Variants in KYAT3 observed in about 807,000 individuals in gnomAD.
KYAT3 encodes kynurenine aminotransferase 3, also known as kynurenine--oxoglutarate transaminase 3.
In KYAT3, 50 loss-of-function variants were observed where a neutral mutation model predicts 59.0. The observed-to-expected ratio is 0.85, with a 90% confidence interval of 0.68 to 1.07. The LOEUF (loss-of-function observed/expected upper bound fraction) is 1.07, where lower values mean the gene tolerates loss of function less well. Among genes scored for constraint, KYAT3 ranks in the 50% least tolerant of loss-of-function variants. The pLI, the probability that KYAT3 is intolerant of heterozygous loss-of-function variation, is 0.00. For synonymous variants in KYAT3, 148 were observed against 177.0 expected (o/e 0.84, Z 1.30); for missense variants, 497 against 533.3 (o/e 0.93, Z 0.67).
downstream of KYAT3, among the ~76,000 whole-genome samples, chr1:88,933,584 A>G (rs1674955258): frequency 6.6e-6 from 1 of 152,154 alleles, no homozygotes; most frequent in Non-Finnish European, 1.5e-5. Context: ...AAGATGGGAG[A>G]GATTTGAACA....
intron 9 of KYAT3, 80 bp from the exon 10 acceptor site, chr1:88,953,232 A>G (rs576582851): frequency 4.5e-6 from 4 of 892,748 alleles, no homozygotes; most frequent in Non-Finnish European, 7.3e-6. Flanking sequence ...AACTTAGTGC[A>G]ATTGTTAAAT....
chr1:88,963,099 C>T (rs964690688), intron 5 of KYAT3, among the ~76,000 whole-genome samples: 9 of 150,042 alleles, frequency 6.0e-5, no homozygotes, highest in East Asian at 3.9e-4. Flanking sequence ...TTATAATGAA[C>T]GGAGAGACAA....
At chr1:88,954,833 C>T (rs909619658) in intron 9 of KYAT3, among the ~76,000 whole-genome samples, 4 of 152,216 alleles carry the variant, frequency 2.6e-5, no homozygotes, top group African/African-American at 9.6e-5. Flanking sequence ...TGGAGCGCAG[C>T]TCACAGCAGC....
chr1:88,924,750 T>C, the KYAT3 span, among the ~76,000 whole-genome samples: 5 of 152,322 alleles, frequency 3.3e-5, no homozygotes, highest in South Asian at 2.1e-4. Flanking sequence ...GAGGCACCCA[T>C]TGCTGCTCCC....
At position 88,949,093 on chromosome 1, in the gene KYAT3, A is replaced by T. The variant is rs144984854; in HGVS notation, c.1139T>A (p.Leu380Gln). ...AAATAATAAAAGCCTTTACAAACCT[A>T]GCAAAGACACATCAGCGATGATGAA... ...GYFIIADVSL[L>Q]DPDLSDMKNN... Residue 380 changes from leucine (L) to glutamine (Q), a missense_variant and splice_region_variant, in exon 11 of 14, where the codon CTA becomes CAA. Physicochemically the swap from Leu to Gln is moderately radical, Grantham distance 113. This residue lies in a region of KYAT3 where 469 missense variants were observed against 479.1 expected (regional missense o/e 0.98). Transcript: ENST00000260508. 2.5e-3 allele frequency: 3,974 copies of T among 1,572,910 alleles called. 10 individuals carry two copies. Among genetic ancestry groups the T allele is most frequent in the Non-Finnish European group, 3.1e-3 (3,621 of 1,165,834 alleles).
intron 5 of KYAT3, 74 bp from the exon 6 acceptor site, chr1:88,962,219 G>T: frequency 9.1e-7 from 1 of 1,100,066 alleles, no homozygotes; most frequent in Non-Finnish European, 1.4e-6. Context: ...ACCTACTATG[G>T]GCTAGGCACT....
the KYAT3 span, among the ~76,000 whole-genome samples, chr1:88,921,371 G>C: frequency 6.6e-6 from 1 of 152,286 alleles, no homozygotes; most frequent in South Asian, 2.1e-4. Flanking sequence ...GGAGAAATTA[G>C]GTACTTTGGT....
In KYAT3 at chr1:88,959,828, T is replaced by C. The variant is rs572572920; in HGVS notation, c.787+1339A>G. 2.6e-5 allele frequency among the ~76,000 whole-genome samples: 4 copies of C among 151,708 alleles called. No homozygotes were observed. The South Asian group carries it at 8.3e-4, about 32-fold the overall frequency. ...CCCATCTCTATAGCAACTTGTAATA[T>C]ACTATAGGAATAATTATGGCACATG... On this transcript the variant is annotated intron_variant, in intron 8 of 13. Coordinates refer to ENST00000260508, the MANE Select transcript of KYAT3 (RefSeq NM_001008661.3).
chr1:88,949,433 C>G (rs1204163330), intron 10 of KYAT3, among the ~76,000 whole-genome samples, 156 bp from the exon 11 acceptor site: 2 of 152,140 alleles, frequency 1.3e-5, no homozygotes, highest in African/African-American at 4.8e-5. Context: ...CTATATTAAA[C>G]TCTATAGGTT....
intron 10 of KYAT3, 37 bp from the exon 11 acceptor site, chr1:88,949,314 T>C (rs1381980759): frequency 1.4e-6 from 2 of 1,429,198 alleles, no homozygotes; most frequent in African/African-American, 1.5e-5. Flanking sequence ...AAAAGGCATA[T>C]GGCAATGTTA....
chr1:88,956,484 G>C (rs939373911), intron 8 of KYAT3, among the ~76,000 whole-genome samples: 5 of 152,156 alleles, frequency 3.3e-5, no homozygotes, highest in Admixed American at 1.3e-4. Context: ...CTAAGGTCTA[G>C]AGGAACCAAA....
intron 11 of KYAT3, among the ~76,000 whole-genome samples, chr1:88,946,619 G>A (rs1409035712): frequency 6.6e-6 from 1 of 152,144 alleles, no homozygotes; most frequent in Non-Finnish European, 1.5e-5. Flanking sequence ...AAATCTTGGG[G>A]ATTTATGATT....
chr1:88,947,410 G>C (rs926851913), intron 11 of KYAT3, among the ~76,000 whole-genome samples: 2 of 152,164 alleles, frequency 1.3e-5, no homozygotes, highest in African/African-American at 4.8e-5. Flanking sequence ...TGCCTCTTCT[G>C]TGTCCCAACT....
intron 11 of KYAT3, among the ~76,000 whole-genome samples, chr1:88,947,856 A>G (rs1675504342): frequency 6.6e-6 from 1 of 152,228 alleles, no homozygotes; most frequent in Non-Finnish European, 1.5e-5. Context: ...TGGGAGGCTG[A>G]GGCAGGTGGA....
rs1677217488 is a variant in KYAT3 at position 88,983,346 on chromosome 1, AAGGACCCCC to A, written c.99+4897_99+4905del. ...CCTGAAGGTGCAGATCTCTTAGGAGAAGGACCCCCACTTCTTGGTGGTGGTCCTCTTTTT... is the reference window on the plus strand; with the variant it reads ...CCTGAAGGTGCAGATCTCTTAGGAGAACTTCTTGGTGGTGGTCCTCTTTTT... On this transcript the variant is annotated intron_variant, in intron 2 of 13. Transcript: ENST00000260508. The A allele has an allele frequency of 2.0e-6, 3 of 1,479,570 alleles. No homozygotes were observed. In the African/African-American group the frequency reaches 5.1e-5, roughly 25 times the overall value. The allele number at this position is 1,479,570 out of a possible 1,614,324, so 91.7% of individuals were successfully genotyped here.
intron 2 of KYAT3, chr1:88,980,167 T>G (rs1340612554): frequency 7.2e-5 from 11 of 152,418 alleles, no homozygotes; most frequent in Admixed American, 7.2e-4. Context: ...AGGGATGGAC[T>G]GCAAAGGAAC....
At chr1:88,925,233 C>G in the KYAT3 span, among the ~76,000 whole-genome samples, 6 of 152,224 alleles carry the variant, frequency 3.9e-5, no homozygotes, top group African/African-American at 1.4e-4. Flanking sequence ...ATCCCGAACT[C>G]CTGACATTAG....
intron 13 of KYAT3, among the ~76,000 whole-genome samples, chr1:88,937,123 G>A (rs1570767210): frequency 6.6e-6 from 1 of 152,190 alleles, no homozygotes; most frequent in African/African-American, 2.4e-5. Flanking sequence ...GATGAGGCAG[G>A]CATCTGGCAT....
the KYAT3 span, among the ~76,000 whole-genome samples, chr1:88,927,696 C>T: frequency 2.0e-5 from 3 of 152,154 alleles, no homozygotes; most frequent in Non-Finnish European, 4.4e-5. Flanking sequence ...GAATTCGGCC[C>T]AGCCAGAGTG....
Sources: allele counts gnomAD v4.1 joint callset (sites outside exome capture counted in the v4.1 genomes callset), GRCh38; gene constraint gnomAD v4.1.1; regional missense constraint gnomAD v4.1.1; transcripts MANE v1.5; gene names NCBI Gene and HGNC (gene_info 2026-07-23, HGNC 2026-07-21).